GLS: variants seen among roughly 807,000 people sequenced by gnomAD.
GLS encodes the protein glutaminase, also known as glutaminase kidney isoform, mitochondrial.
GLS carries 36 observed loss-of-function variants against 86.7 expected under a neutral mutation model. That is an observed-to-expected ratio of 0.42 (90% CI 0.32 to 0.55). GLS has a LOEUF of 0.55. GLS is among the 20% of genes least tolerant of loss of function. The pLI is 0.17. For missense variants in GLS, 528 were observed against 833.4 expected (o/e 0.63, Z 4.51); for synonymous variants, 317 against 305.9 (o/e 1.04, Z -0.38).
At chr2:190,910,014 G>A (rs1286452242) in intron 6 of GLS, among the ~76,000 whole-genome samples, 1 of 151,988 alleles carries the variant, frequency 6.6e-6, no homozygotes, top group African/African-American at 2.4e-5. Flanking sequence ...CTTCAGCCTG[G>A]GCGACAGTCT....
chr2:190,902,387 C>T (rs935859037), intron 5 of GLS, among the ~76,000 whole-genome samples: 3 of 152,066 alleles, frequency 2.0e-5, no homozygotes, highest in East Asian at 1.9e-4. Flanking sequence ...CATTGGTAAC[C>T]CATCTGTCGT....
At chr2:190,899,133 A>G (rs1688854991) in intron 3 of GLS, among the ~76,000 whole-genome samples, 2 of 152,216 alleles carry the variant, frequency 1.3e-5, no homozygotes, top group African/African-American at 4.8e-5. Context: ...TTTGATGTAC[A>G]TCTCTTGCAA....
intron 5 of GLS, among the ~76,000 whole-genome samples, chr2:190,904,273 G>A (rs554081170): frequency 4.1e-4 from 63 of 152,030 alleles, no homozygotes; most frequent in African/African-American, 1.4e-3. Context: ...CCATGGTTTA[G>A]TCACAGCTTA....
rs1690808087 is a variant in GLS at position 190,954,468 on chromosome 2, A to G, written c.1713-116A>G. 1.5e-6 allele frequency: 1 copy of G among 671,474 alleles called. No homozygotes were observed. Among genetic ancestry groups the G allele is most frequent in the Non-Finnish European group, 2.6e-6 (1 of 383,210 alleles). 41.6% of individuals were successfully genotyped at this position (671,474 alleles called of 1,614,324 possible). The stretch of plus-strand genomic sequence containing the variant: ...ATAAGGTCGGTAGTTCCCATTAATG[A>G]GCTTGATGAAGGATGGCACCTGACA... On this transcript the variant is annotated intron_variant, in intron 15 of 17. Transcript: ENST00000320717. The surrounding 1 kb of genome is among the most constrained non-coding windows in gnomAD (Gnocchi z 4.0).
intron 14 of GLS, among the ~76,000 whole-genome samples, chr2:190,937,360 C>T (rs953551066): frequency 6.3e-4 from 96 of 151,358 alleles, no homozygotes; most frequent in African/African-American, 2.2e-3. Context: ...AATCTGAATA[C>T]CATAAAATGC....
At chr2:190,893,181 G>A (rs1245721750) in intron 1 of GLS, among the ~76,000 whole-genome samples, 2 of 152,154 alleles carry the variant, frequency 1.3e-5, no homozygotes, top group African/African-American at 4.8e-5. Flanking sequence ...GTATTGTTAA[G>A]CTGTGTTTAA....
In GLS at chr2:190,930,143, T is replaced by C. The variant is rs1690059500; in HGVS notation, c.1426-294T>C. ...GTGCAGTGGTGCGATCATGGCTCAC[T>C]GTAGCCTTGACCTCCTGAGGTCATG... is the stretch of plus-strand genomic sequence containing the variant. On this transcript the variant is annotated intron_variant, in intron 12 of 17. Coordinates refer to ENST00000320717, the MANE Select transcript of GLS (RefSeq NM_014905.5). This position sits in a 1 kb window ranked among gnomAD's most constrained non-coding sequence, Gnocchi z 5.0. 6.6e-6 allele frequency among the ~76,000 whole-genome samples: 1 copy of C among 151,950 alleles called. No individual in the cohort carries two copies. Among genetic ancestry groups the C allele is most frequent in the African/African-American group, 2.4e-5 (1 of 41,344 alleles).
chr2:190,909,089 G>A (rs533213168), intron 6 of GLS, among the ~76,000 whole-genome samples: 2 of 152,164 alleles, frequency 1.3e-5, no homozygotes, highest in East Asian at 3.9e-4. Context: ...TTTGGGATAG[G>A]CAAATCTTGA....
chr2:190,915,121 G>C (rs2124879925), intron 7 of GLS, among the ~76,000 whole-genome samples: 1 of 150,718 alleles, frequency 6.6e-6, no homozygotes, highest in South Asian at 2.1e-4. Flanking sequence ...CTCCCGAGTA[G>C]CTGGGACTAC....
intron 1 of GLS, among the ~76,000 whole-genome samples, chr2:190,891,711 T>C (rs1433871288): frequency 1.3e-5 from 2 of 152,106 alleles, no homozygotes; most frequent in African/African-American, 4.8e-5. Context: ...AAACTTAATG[T>C]AGATTTTGGA....
In GLS at chr2:190,949,738, T is replaced by C. The variant is rs550064178; in HGVS notation, c.1651-3827T>C. ...TGGGGGCCGATAGAGGAATTAATTT[T>C]GCAATTTAATACCCAAAATTGAATA... On this transcript the variant is annotated intron_variant, in intron 14 of 17. Coordinates refer to ENST00000320717, the MANE Select transcript of GLS (RefSeq NM_014905.5). This position sits in a 1 kb window ranked among gnomAD's most constrained non-coding sequence, Gnocchi z 4.0. Among the ~76,000 whole-genome samples, 1 of 152,144 alleles carries C rather than the reference T, an allele frequency of 6.6e-6. No homozygotes were observed. The highest frequency in any genetic ancestry group is 2.4e-5 in the African/African-American group (1 of 41,510).
intron 17 of GLS, among the ~76,000 whole-genome samples, chr2:190,959,901 A>G (rs115973189): frequency 0.022 from 3,330 of 152,354 alleles, 57 homozygotes; most frequent in Middle Eastern, 0.031. Flanking sequence ...AATCAGTTTC[A>G]GAAGGCTTCA....
rs111435985 is a variant in GLS at position 190,949,406 on chromosome 2, T to G, written c.1651-4159T>G. On this transcript the variant is annotated intron_variant, in intron 14 of 17. Coordinates refer to ENST00000320717, the MANE Select transcript of GLS (RefSeq NM_014905.5). This position sits in a 1 kb window ranked among gnomAD's most constrained non-coding sequence, Gnocchi z 4.0. The stretch of plus-strand genomic sequence containing the variant: ...ATATTCAAAGATGTAAAAGTTAAGG[T>G]AGATGGGCTGGGCACAGGGGCTCAC... Among the ~76,000 whole-genome samples, 2,238 of 152,098 alleles carry G rather than the reference T, an allele frequency of 0.015. 57 individuals are homozygous for G. Among genetic ancestry groups the G allele is most frequent in the African/African-American group, 0.05 (2,056 of 41,492 alleles).
chr2:190,939,918 T>A (rs1470904488), intron 14 of GLS, among the ~76,000 whole-genome samples: 1 of 151,774 alleles, frequency 6.6e-6, no homozygotes, highest in Non-Finnish European at 1.5e-5. Flanking sequence ...AATATTCTAT[T>A]TTTTATTGTT....
chr2:190,910,149 A>T, intron 6 of GLS, 114 bp from the exon 7 acceptor site: 1 of 636,994 alleles, frequency 1.6e-6, no homozygotes, highest in Admixed American at 3.4e-5. Context: ...AGCACTAAGA[A>T]AAAAGCAAAA....
intron 11 of GLS, among the ~76,000 whole-genome samples, chr2:190,925,735 G>A (rs754631672): frequency 3.3e-5 from 5 of 152,020 alleles, no homozygotes; most frequent in African/African-American, 2.4e-5. Context: ...GCTTTTCATC[G>A]GCCCAATGTG....
At chr2:190,915,784 TAG>T in intron 7 of GLS, among the ~76,000 whole-genome samples, 1 of 152,282 alleles carries the variant, frequency 6.6e-6, no homozygotes, top group Non-Finnish European at 1.5e-5. Context: ...TTTGAAATAT[TAG>T]AGTCAGTGTT....
chr2:190,915,574 A>C (rs1200990772), intron 7 of GLS, among the ~76,000 whole-genome samples: 1 of 152,238 alleles, frequency 6.6e-6, no homozygotes, highest in Non-Finnish European at 1.5e-5. Context: ...CTTTCCAAGG[A>C]ATAAAGGGGC....
intron 6 of GLS, among the ~76,000 whole-genome samples, chr2:190,909,844 C>T (rs1689296302): frequency 6.6e-6 from 1 of 152,070 alleles, no homozygotes; most frequent in Non-Finnish European, 1.5e-5. Context: ...GAGTTTGAGT[C>T]CAGCCTGGGC....
Sources: gnomAD v4.1 joint callset for allele counts (sites outside exome capture counted in the v4.1 genomes callset) on GRCh38, gnomAD v4.1.1 for gene constraint, Gnocchi (gnomAD v3.1) non-coding constraint, MANE v1.5 for transcripts, NCBI Gene and HGNC (gene_info 2026-07-23, HGNC 2026-07-21) for gene names.